Variants in SNTG1 observed in about 807,000 individuals in gnomAD.
The protein encoded by SNTG1 is syntrophin gamma 1.
SNTG1 carries 39 observed loss-of-function variants against 74.7 expected under a neutral mutation model. The observed-to-expected ratio is 0.52, with a 90% confidence interval of 0.40 to 0.68. The LOEUF is 0.68. Among genes scored for constraint, SNTG1 ranks in the 30% least tolerant of loss-of-function variants. SNTG1 has a pLI of 0.00. For synonymous variants in SNTG1, 254 were observed against 217.1 expected, an observed-to-expected ratio of 1.17 and a Z score of -1.49; for missense variants, 685 against 609.5, an observed-to-expected ratio of 1.12 and a Z score of -1.30.
intron 1 of SNTG1, among the ~76,000 whole-genome samples, chr8:49,986,547 T>C (rs942742975): frequency 6.6e-6 from 1 of 152,016 alleles, no homozygotes; most frequent in African/African-American, 2.4e-5. Flanking sequence ...ATAATAAACA[T>C]CTGAGTGGCC....
intron 1 of SNTG1, among the ~76,000 whole-genome samples, chr8:49,986,193 C>G (rs979912763): frequency 7.2e-5 from 11 of 151,998 alleles, no homozygotes; most frequent in African/African-American, 2.4e-4. Context: ...AAAAATATGC[C>G]CAGATCAACA....
At chr8:49,972,141 C>G (rs865827450) in intron 1 of SNTG1, among the ~76,000 whole-genome samples, 17 of 152,308 alleles carry the variant, frequency 1.1e-4, no homozygotes, top group African/African-American at 4.1e-4. Flanking sequence ...GTAACCAAAA[C>G]AGCATGGTAC....
At chr8:50,612,575 G>A (rs112650548) in intron 13 of SNTG1, among the ~76,000 whole-genome samples, 5,660 of 152,248 alleles carry the variant, frequency 0.037, 179 homozygotes, top group African/African-American at 0.075. Flanking sequence ...TGTGATATTA[G>A]GAAGTAGACA....
chr8:50,270,276 G>A (rs904934739), intron 2 of SNTG1, among the ~76,000 whole-genome samples: 7 of 151,986 alleles, frequency 4.6e-5, no homozygotes, highest in African/African-American at 1.7e-4. Context: ...TGTTTCAGTG[G>A]GGCCACACAG....
intron 2 of SNTG1, among the ~76,000 whole-genome samples, chr8:50,358,201 T>A (rs147394256): frequency 6.6e-6 from 1 of 152,208 alleles, no homozygotes; most frequent in African/African-American, 2.4e-5. Flanking sequence ...CCTTGAACTT[T>A]ATCGGAGTGA....
chr8:50,029,211 C>T (rs1817539350), intron 1 of SNTG1, among the ~76,000 whole-genome samples: 1 of 151,936 alleles, frequency 6.6e-6, no homozygotes, highest in Admixed American at 6.6e-5. Flanking sequence ...ATTATAGGCT[C>T]ATAATAGGTG....
chr8:50,701,069 T>C (rs2095421939), intron 15 of SNTG1, among the ~76,000 whole-genome samples: 1 of 152,146 alleles, frequency 6.6e-6, no homozygotes, highest in Non-Finnish European at 1.5e-5. Context: ...TATTGCTACA[T>C]GTGATTTATG....
chr8:50,168,632 C>A (rs755623135), intron 1 of SNTG1, among the ~76,000 whole-genome samples: 4 of 152,084 alleles, frequency 2.6e-5, no homozygotes, highest in Non-Finnish European at 5.9e-5. Context: ...GAATCTATTA[C>A]CCAATATAAG....
intron 4 of SNTG1, among the ~76,000 whole-genome samples, chr8:50,433,483 T>G (rs1443952766): frequency 1.4e-4 from 21 of 151,480 alleles, no homozygotes; most frequent in Non-Finnish European, 2.2e-4. Context: ...TTTTCTGTTT[T>G]TTTTTTTTTT....
intron 2 of SNTG1, among the ~76,000 whole-genome samples, chr8:50,201,505 T>A (rs2083985376): frequency 6.6e-6 from 1 of 152,164 alleles, no homozygotes; most frequent in Non-Finnish European, 1.5e-5. Flanking sequence ...GGCACATTTT[T>A]AAAATTTATT....
intron 13 of SNTG1, among the ~76,000 whole-genome samples, chr8:50,612,139 CA>C (rs1040165906): frequency 6.6e-6 from 1 of 152,276 alleles, no homozygotes; most frequent in Non-Finnish European, 1.5e-5. Flanking sequence ...AACTTTACAG[CA>C]AATAAAATTA....
intron 2 of SNTG1, among the ~76,000 whole-genome samples, chr8:50,282,495 G>A (rs1044100420): frequency 6.6e-6 from 1 of 152,142 alleles, no homozygotes; most frequent in African/African-American, 2.4e-5. Context: ...ATAAGGCCAG[G>A]AAAACTTTTT....
chr8:50,087,256 T>C (rs1029748806), intron 1 of SNTG1, among the ~76,000 whole-genome samples: 3 of 152,214 alleles, frequency 2.0e-5, no homozygotes, highest in African/African-American at 4.8e-5. Flanking sequence ...TCAGTTGTAA[T>C]GTCGTCGGGA....
chr8:50,707,711 G>T (rs201509119), intron 16 of SNTG1, among the ~76,000 whole-genome samples: 2 of 122,666 alleles, frequency 1.6e-5, no homozygotes, highest in Admixed American at 1.5e-4. Flanking sequence ...CTCTCTCTTT[G>T]TCTCTATTTC....
chr8:50,707,607 A>T (rs1485846436), intron 16 of SNTG1, among the ~76,000 whole-genome samples: 1 of 152,218 alleles, frequency 6.6e-6, no homozygotes, highest in African/African-American at 2.4e-5. Context: ...GATTCAATTA[A>T]TGTAGTTTTA....
At chr8:50,075,606 T>G (rs1047356388) in intron 1 of SNTG1, among the ~76,000 whole-genome samples, 1 of 152,198 alleles carries the variant, frequency 6.6e-6, no homozygotes, top group Non-Finnish European at 1.5e-5. Flanking sequence ...GAGCCAGCAG[T>G]GGCAACACGT....
Position 50,402,194 on chromosome 8 carries a change from T to C in SNTG1, c.28-16T>C. ...GTATAATTTTTCCTCTGTTTGTTTTTTTTTTTAATCTGAAGACAAAGACAG... is the reference window on the plus strand; with the variant it reads ...GTATAATTTTTCCTCTGTTTGTTTTCTTTTTTAATCTGAAGACAAAGACAG... On this transcript the variant is annotated splice_polypyrimidine_tract_variant and intron_variant, in intron 3 of 18. Coordinates refer to ENST00000642720, the MANE Select transcript of SNTG1 (RefSeq NM_018967.5). 6.3e-7 allele frequency: 1 copy of C among 1,581,344 alleles called. No homozygotes were observed. The highest frequency in any genetic ancestry group is 8.5e-7 in the Non-Finnish European group (1 of 1,171,534).
intron 2 of SNTG1, among the ~76,000 whole-genome samples, chr8:50,233,675 T>C (rs1007457167): frequency 3.3e-5 from 5 of 151,080 alleles, no homozygotes; most frequent in African/African-American, 1.2e-4. Context: ...AGCCCATATC[T>C]AGAATTTATA....
chr8:50,048,088 T>C (rs903581653), intron 1 of SNTG1, among the ~76,000 whole-genome samples: 17 of 152,158 alleles, frequency 1.1e-4, no homozygotes, highest in Non-Finnish European at 4.4e-5. Context: ...AATACATTTT[T>C]TGTGTTGGCA....
Sources: allele counts gnomAD v4.1 joint callset (sites outside exome capture counted in the v4.1 genomes callset), GRCh38; gene constraint gnomAD v4.1.1; transcripts MANE v1.5; gene names NCBI Gene and HGNC (gene_info 2026-07-23, HGNC 2026-07-21).